RCAN1: variants seen among roughly 807,000 people sequenced by gnomAD.
RCAN1 encodes regulator of calcineurin 1.
Under a neutral mutation model 22.9 loss-of-function variants are expected in RCAN1, and 11 were observed. The observed-to-expected ratio is 0.48, with a 90% CI of 0.30 to 0.79. RCAN1 has a LOEUF of 0.79. Among genes scored for constraint, RCAN1 ranks in the 30% least tolerant of loss-of-function variants. The pLI, the probability that RCAN1 is intolerant of heterozygous loss-of-function variation, is 0.06. For synonymous variants in RCAN1, 136 were observed against 142.3 expected, an observed-to-expected ratio of 0.96 and a Z score of 0.32; for missense variants, 291 against 337.8, an observed-to-expected ratio of 0.86 and a Z score of 1.09.
chr21:34,542,439 C>G (rs1291428922), intron 1 of RCAN1, among the ~76,000 whole-genome samples: 2 of 151,972 alleles, frequency 1.3e-5, no homozygotes, highest in Non-Finnish European at 2.9e-5. Context: ...AGAGCCCATA[C>G]AGAGACGAAC....
chr21:34,528,216 A>T (rs916761901), intron 1 of RCAN1, among the ~76,000 whole-genome samples: 7 of 152,242 alleles, frequency 4.6e-5, no homozygotes, highest in African/African-American at 1.7e-4. Flanking sequence ...CATTAAAGTC[A>T]GCCAATAATT....
intron 1 of RCAN1, among the ~76,000 whole-genome samples, chr21:34,580,878 C>T (rs528285910): frequency 1.1e-4 from 16 of 152,276 alleles, no homozygotes; most frequent in African/African-American, 3.4e-4. Flanking sequence ...CGTGCACCTA[C>T]GTATGCACAT....
intron 1 of RCAN1, among the ~76,000 whole-genome samples, chr21:34,562,681 T>C (rs980643890): frequency 1.3e-5 from 2 of 152,222 alleles, no homozygotes; most frequent in Non-Finnish European, 2.9e-5. Context: ...AAATCCCAGA[T>C]TCGCTCAGCC....
intron 1 of RCAN1, chr21:34,613,756 A>G: frequency 6.7e-7 from 1 of 1,484,112 alleles, no homozygotes; most frequent in Admixed American, 2.1e-5. Context: ...AAAGTAAGTG[A>G]ACATATAAAT....
chr21:34,524,957 TC>T (rs1984913112), intron 1 of RCAN1: 2 of 1,435,064 alleles, frequency 1.4e-6, no homozygotes, highest in Non-Finnish European at 9.2e-7. Flanking sequence ...GTTTTGTGAA[TC>T]TTTTTACCAG....
At chr21:34,590,367 C>T (rs7281240) in intron 1 of RCAN1, among the ~76,000 whole-genome samples, 2,337 of 152,316 alleles carry the variant, frequency 0.015, 56 homozygotes, top group African/African-American at 0.053. Context: ...GGTCCAGGTA[C>T]ATTGCCAGAA....
At chr21:34,570,883 C>A (rs1987211595) in intron 1 of RCAN1, among the ~76,000 whole-genome samples, 1 of 152,028 alleles carries the variant, frequency 6.6e-6, no homozygotes, top group Non-Finnish European at 1.5e-5. Flanking sequence ...TTAAAAAATT[C>A]TTTCCCCAAT....
Position 34,563,788 on chromosome 21 carries a change from TATATATAG to T in RCAN1, c.253-40086_253-40079del, listed in dbSNP as rs1462581808. Among the ~76,000 whole-genome samples the T allele has an allele frequency of 8.8e-3, 825 of 94,042 alleles. 14 individuals are homozygous for T. Among genetic ancestry groups the T allele is most frequent in the African/African-American group, 0.034 (790 of 23,258 alleles). 61.7% of individuals were successfully genotyped at this position (94,042 alleles called of 152,430 possible). Reference sequence around the variant, plus strand: ...AAAAAAAAATATATATATATATATATATATATAGAGAGAGAGAGAGAGAGAGAGAGAGG... The same window carrying T: ...AAAAAAAAATATATATATATATATATAGAGAGAGAGAGAGAGAGAGAGAGG... On this transcript the variant is annotated intron_variant, in intron 1 of 3. Coordinates refer to ENST00000313806, the MANE Select transcript of RCAN1 (RefSeq NM_004414.7).
chr21:34,593,119 T>C (rs1053822824), intron 1 of RCAN1, among the ~76,000 whole-genome samples: 1 of 152,248 alleles, frequency 6.6e-6, no homozygotes, highest in Non-Finnish European at 1.5e-5. Flanking sequence ...TGAGTTTATA[T>C]AGACTAGGAT....
chr21:34,552,403 C>T (rs1009084923), intron 1 of RCAN1, among the ~76,000 whole-genome samples: 6 of 152,286 alleles, frequency 3.9e-5, no homozygotes, highest in African/African-American at 7.2e-5. Flanking sequence ...ATTTTTACCA[C>T]GTGATTGCTA....
At chr21:34,532,366 CA>C (rs1985437550) in intron 1 of RCAN1, among the ~76,000 whole-genome samples, 2 of 152,206 alleles carry the variant, frequency 1.3e-5, no homozygotes, top group African/African-American at 4.8e-5. Flanking sequence ...TTTGTCACCC[CA>C]AACCCACTCA....
intron 1 of RCAN1, among the ~76,000 whole-genome samples, chr21:34,529,812 C>T (rs1040889340): frequency 2.6e-5 from 4 of 152,184 alleles, no homozygotes; most frequent in African/African-American, 9.7e-5. Context: ...AGAATTCCCA[C>T]ATATTGTGGG....
At chr21:34,539,139 C>T (rs185002877) in intron 1 of RCAN1, among the ~76,000 whole-genome samples, 2 of 152,336 alleles carry the variant, frequency 1.3e-5, no homozygotes, top group East Asian at 3.9e-4. Context: ...ATCCCGAATA[C>T]TGACTCAACA....
In RCAN1 at chr21:34,519,686, C is replaced by T. The variant is rs568007185; in HGVS notation, c.587-1430G>A. Among the ~76,000 whole-genome samples, 137 of 152,092 alleles carry T rather than the reference C, an allele frequency of 9.0e-4. 3 individuals carry two copies. In the South Asian group the frequency reaches 0.011, roughly 13 times the overall value. ...TGCTGGGATTACAGGCATGAGCCAC[C>T]GCGCCCGGCCTGTGCTTGGGATTTC... On this transcript the variant is annotated intron_variant, in intron 3 of 3. Transcript: ENST00000313806.
chr21:34,596,965 G>T (rs1988180242), intron 1 of RCAN1, among the ~76,000 whole-genome samples: 1 of 152,180 alleles, frequency 6.6e-6, no homozygotes, highest in African/African-American at 2.4e-5. Flanking sequence ...GAGGGGAGGA[G>T]TAAAGAAGGG....
chr21:34,603,431 G>C (rs1302756867), intron 1 of RCAN1, among the ~76,000 whole-genome samples: 1 of 152,196 alleles, frequency 6.6e-6, no homozygotes, highest in African/African-American at 2.4e-5. Context: ...CTGGGAAAGG[G>C]GAGAACATTA....
intron 1 of RCAN1, among the ~76,000 whole-genome samples, chr21:34,536,227 G>T (rs926080259): frequency 1.3e-5 from 2 of 152,174 alleles, no homozygotes; most frequent in African/African-American, 4.8e-5. Flanking sequence ...ATTAGGGGAG[G>T]CAACATTTAT....
intron 1 of RCAN1, among the ~76,000 whole-genome samples, chr21:34,557,587 G>A (rs1986627985): frequency 1.3e-5 from 2 of 152,200 alleles, no homozygotes; most frequent in Admixed American, 1.3e-4. Context: ...TAAAATGAGT[G>A]ACAGATTCAG....
At chr21:34,540,915 G>A (rs1382796226) in intron 1 of RCAN1, among the ~76,000 whole-genome samples, 1 of 152,032 alleles carries the variant, frequency 6.6e-6, no homozygotes, top group African/African-American at 2.4e-5. Context: ...AACCTGGGAG[G>A]TGGAGGTTGC....
Sources: gnomAD v4.1 joint callset for allele counts (sites outside exome capture counted in the v4.1 genomes callset) on GRCh38, gnomAD v4.1.1 for gene constraint, MANE v1.5 for transcripts, NCBI Gene and HGNC (gene_info 2026-07-23, HGNC 2026-07-21) for gene names.